Variants in MTA3 observed in about 807,000 individuals in gnomAD.
MTA3 encodes the protein metastasis associated 1 family member 3, also known as metastasis-associated protein MTA3.
MTA3 carries 34 observed loss-of-function variants against 83.5 expected under a neutral mutation model. The observed-to-expected ratio is 0.41, with a 90% CI of 0.31 to 0.54. The LOEUF (loss-of-function observed/expected upper bound fraction) is 0.54, where lower values mean the gene tolerates loss of function less well. Ranked by LOEUF, MTA3 falls within the 20% of genes least tolerant of loss-of-function variation. The pLI is 0.33. For missense variants in MTA3, 761 were observed against 726.4 expected, an observed-to-expected ratio of 1.05 and a Z score of -0.55; for synonymous variants, 303 against 252.7, an observed-to-expected ratio of 1.20 and a Z score of -1.89.
upstream of MTA3, chr2:42,568,619 T>TCCCTTCCCC (rs1317920650): frequency 8.5e-3 from 1,077 of 127,116 alleles, 12 homozygotes; most frequent in African/African-American, 0.039. Flanking sequence ...CTCCCTTCCC[T>TCCCTTCCCC]CCCTTCCCCC....
intron 4 of MTA3, among the ~76,000 whole-genome samples, chr2:42,629,091 A>ATT: frequency 6.6e-6 from 1 of 152,002 alleles, no homozygotes; most frequent in African/African-American, 2.4e-5. Context: ...ATATATATAT[A>ATT]TTTTTTGAGA....
At chr2:42,662,319 GTTATAT>G (rs1476909813) in intron 8 of MTA3, among the ~76,000 whole-genome samples, 31 of 151,790 alleles carry the variant, frequency 2.0e-4, no homozygotes, top group African/African-American at 7.5e-4. Context: ...TATAACTAGA[GTTATAT>G]TTATATATAT....
intron 16 of MTA3, among the ~76,000 whole-genome samples, chr2:42,724,741 C>A (rs888837923): frequency 1.3e-5 from 2 of 152,162 alleles, no homozygotes; most frequent in African/African-American, 4.8e-5. Flanking sequence ...GGATCCCAGT[C>A]CTGGCCTGCA....
intron 2 of MTA3, among the ~76,000 whole-genome samples, chr2:42,514,301 G>C (rs1572904303): frequency 6.6e-6 from 1 of 152,194 alleles, no homozygotes; most frequent in South Asian, 2.1e-4. Context: ...ATTGTGCTTT[G>C]TTAGCTCACT....
chr2:42,544,799 T>A (rs145108518), intron 2 of MTA3, among the ~76,000 whole-genome samples: 1 of 152,292 alleles, frequency 6.6e-6, no homozygotes, highest in Non-Finnish European at 1.5e-5. Flanking sequence ...AGGATGCAAA[T>A]GGTCAGTATC....
At chr2:42,622,948 A>C (rs936554171) in intron 4 of MTA3, among the ~76,000 whole-genome samples, 12 of 152,246 alleles carry the variant, frequency 7.9e-5, no homozygotes, top group African/African-American at 2.7e-4. Flanking sequence ...TTAGTAAGTG[A>C]ATTGAAAAAT....
In MTA3 at chr2:42,599,631, A is replaced by C. The variant is rs559811454; in HGVS notation, c.191-9827A>C. 1.3e-4 allele frequency among the ~76,000 whole-genome samples: 20 copies of C among 152,256 alleles called. 1 individual carries two copies. In the South Asian group the frequency reaches 3.9e-3, roughly 30 times the overall value. Reference sequence around the variant, plus strand: ...AGTAGTGGTAATTCATGTGGGTGAAACTGCAGTTCCTGACAGGAATTAATT... The same window carrying C: ...AGTAGTGGTAATTCATGTGGGTGAACCTGCAGTTCCTGACAGGAATTAATT... On this transcript the variant is annotated intron_variant, in intron 3 of 16. Coordinates refer to ENST00000405094, the MANE Select transcript of MTA3 (RefSeq NM_001330442.2).
At chr2:42,520,785 C>T (rs561427816) in intron 2 of MTA3, among the ~76,000 whole-genome samples, 6 of 152,044 alleles carry the variant, frequency 3.9e-5, no homozygotes, top group African/African-American at 1.2e-4. Context: ...GGGCTGGTCT[C>T]GAACTCCTAG....
chr2:42,704,147 C>A, intron 11 of MTA3, 47 bp from the exon 12 acceptor site: 1 of 1,579,114 alleles, frequency 6.3e-7, no homozygotes, highest in Admixed American at 1.9e-5. Flanking sequence ...AGCTTTTTGC[C>A]TTATTGTACA....
intron 6 of MTA3, among the ~76,000 whole-genome samples, chr2:42,647,563 T>A (rs1235898048): frequency 7.2e-6 from 1 of 139,398 alleles, no homozygotes; most frequent in African/African-American, 2.6e-5. Flanking sequence ...GCCAGCAGTC[T>A]TGGAATGTTT....
chr2:42,706,411 A>G (rs113402970), intron 12 of MTA3, among the ~76,000 whole-genome samples: 2,179 of 151,194 alleles, frequency 0.014, 53 homozygotes, highest in African/African-American at 0.05. Flanking sequence ...ATTTACACAA[A>G]TAAAAGCCTA....
chr2:42,728,087 C>T (rs1667953985), intron 16 of MTA3, among the ~76,000 whole-genome samples: 1 of 152,014 alleles, frequency 6.6e-6, no homozygotes, highest in Admixed American at 6.6e-5. Context: ...ATTAATCATA[C>T]CTCCTACCAC....
In MTA3 at chr2:42,548,811, AT is replaced by A. The variant is rs1248865847; in HGVS notation, c.-140-21625del. ...GAGTGAGACCCTGTCTCAAAAAAAA[AT>A]ATATATATATATATATAATATATAT... On this transcript the variant is annotated intron_variant, in intron 2 of 17. Coordinates refer to the MTA3 transcript ENST00000405592. Among the ~76,000 whole-genome samples, 266 of 37,982 alleles carry A rather than the reference AT, an allele frequency of 7.0e-3. 37 individuals are homozygous for A. Among genetic ancestry groups the A allele is most frequent in the African/African-American group, 0.034 (210 of 6,160 alleles). The allele number at this position is 37,982 out of a possible 152,430, so 24.9% of individuals were successfully genotyped here.
At chr2:42,503,381 T>C (rs1455347873) in intron 2 of MTA3, among the ~76,000 whole-genome samples, 1 of 152,204 alleles carries the variant, frequency 6.6e-6, no homozygotes, top group Non-Finnish European at 1.5e-5. Context: ...TACTGCAAGC[T>C]GTTTTATCAG....
chr2:42,550,538 G>T (rs1203179914), intron 2 of MTA3, among the ~76,000 whole-genome samples: 1 of 152,162 alleles, frequency 6.6e-6, no homozygotes, highest in Non-Finnish European at 1.5e-5. Context: ...GGAAATGTGG[G>T]TGCAAGGCTT....
intron 3 of MTA3, among the ~76,000 whole-genome samples, chr2:42,596,656 CATTGCTT>C (rs1681822965): frequency 6.6e-6 from 1 of 152,160 alleles, no homozygotes; most frequent in Non-Finnish European, 1.5e-5. Context: ...ATTGATGTCA[CATTGCTT>C]ATTGATCATT....
chr2:42,530,711 G>C (rs2103719497), intron 2 of MTA3, among the ~76,000 whole-genome samples: 1 of 151,864 alleles, frequency 6.6e-6, no homozygotes, highest in Admixed American at 6.6e-5. Flanking sequence ...CTTGAACCTG[G>C]GAGGCGGAGG....
chr2:42,647,233 T>C (rs2104327948), intron 6 of MTA3, among the ~76,000 whole-genome samples: 1 of 150,754 alleles, frequency 6.6e-6, no homozygotes, highest in South Asian at 2.1e-4. Context: ...AGAGAAAAAC[T>C]TTTTTTTAGA....
intron 16 of MTA3, among the ~76,000 whole-genome samples, chr2:42,732,264 C>T (rs1245878620): frequency 2.6e-5 from 4 of 152,218 alleles, no homozygotes; most frequent in Non-Finnish European, 5.9e-5. Flanking sequence ...TTCCATACAT[C>T]TTCTGAAATC....
Sources: gnomAD v4.1 joint callset for allele counts (sites outside exome capture counted in the v4.1 genomes callset) on GRCh38, gnomAD v4.1.1 for gene constraint, MANE v1.5 for transcripts, NCBI Gene and HGNC (gene_info 2026-07-23, HGNC 2026-07-21) for gene names.